The following AMPH variants were observed in gnomAD, a reference collection of about 807,000 sequenced individuals.
AMPH encodes amphiphysin.
AMPH carries 49 observed loss-of-function variants against 99.1 expected under a neutral mutation model. That is an observed-to-expected ratio of 0.49 (90% CI 0.39 to 0.63). AMPH has a LOEUF of 0.63. Ranked by LOEUF, AMPH falls within the 20% of genes least tolerant of loss-of-function variation. The pLI, the probability that AMPH is intolerant of heterozygous loss-of-function variation, is 0.00. For missense variants in AMPH, 759 were observed against 863.4 expected (o/e 0.88, Z 1.52); for synonymous variants, 314 against 317.3 (o/e 0.99, Z 0.11).
Position 38,428,996 on chromosome 7 carries a change from T to G in AMPH, c.1182+846A>C, listed in dbSNP as rs754585501. 3.1e-6 allele frequency: 4 copies of G among 1,289,584 alleles called. No individual in the cohort carries two copies. In the South Asian group the frequency reaches 3.7e-5, roughly 12 times the overall value. 79.9% of individuals were successfully genotyped at this position (1,289,584 alleles called of 1,614,324 possible). A position where few individuals can be genotyped will look rare whatever the true frequency, so the allele number is the denominator to read the frequency against. On this transcript the variant is annotated intron_variant, in intron 14 of 20. Transcript: ENST00000356264. ...CTCTGTTTCCTGTCCTTTCACATGC[T>G]TTCTCTTCAAATTCCTCTGTACCTT... is the stretch of plus-strand genomic sequence containing the variant.
chr7:38,473,566 C>T lies in AMPH; in HGVS notation c.590+1765G>A, dbSNP rs1208967364. Among the ~76,000 whole-genome samples, 27 of 105,754 alleles carry T rather than the reference C, an allele frequency of 2.6e-4. 4 individuals are homozygous for T. The highest frequency in any genetic ancestry group is 8.1e-4 in the South Asian group (2 of 2,472). The allele number at this position is 105,754 out of a possible 152,430, so 69.4% of individuals were successfully genotyped here. A position where few individuals can be genotyped will look rare whatever the true frequency, so the allele number is the denominator to read the frequency against. On this transcript the variant is annotated intron_variant, in intron 7 of 20. Coordinates refer to ENST00000356264, the MANE Select transcript of AMPH (RefSeq NM_001635.4). ...AAAAATACAAAAAATTAGCCGGGCG[C>T]GGTGGCGGGCGCCTGTAGTCCCAGC...
intron 11 of AMPH, among the ~76,000 whole-genome samples, chr7:38,449,427 A>C (rs1032857896): frequency 9.2e-5 from 14 of 152,244 alleles, no homozygotes; most frequent in African/African-American, 3.4e-4. Context: ...GATTGATGTC[A>C]AGGTTAAACT....
chr7:38,500,421 T>C (rs1201774570), intron 3 of AMPH, among the ~76,000 whole-genome samples: 1 of 152,208 alleles, frequency 6.6e-6, no homozygotes, highest in Non-Finnish European at 1.5e-5. Flanking sequence ...CTGTGGCCAC[T>C]AGCCCTGGAG....
At chr7:38,496,471 C>T (rs1788936391) in intron 3 of AMPH, among the ~76,000 whole-genome samples, 1 of 152,064 alleles carries the variant, frequency 6.6e-6, no homozygotes, top group Non-Finnish European at 1.5e-5. Flanking sequence ...CGGACGAAGC[C>T]CTTGCAGAGT....
At chr7:38,412,125 T>A (rs1057511928) in intron 17 of AMPH, among the ~76,000 whole-genome samples, 10 of 152,154 alleles carry the variant, frequency 6.6e-5, no homozygotes, top group Non-Finnish European at 1.3e-4. Context: ...GGCTGTGATT[T>A]GAGGTGATGA....
chr7:38,555,487 G>C (rs1275872435), intron 1 of AMPH, among the ~76,000 whole-genome samples: 1 of 152,168 alleles, frequency 6.6e-6, no homozygotes, highest in Non-Finnish European at 1.5e-5. Flanking sequence ...GATGGTACCT[G>C]CAAGGGCTGG....
intron 2 of AMPH, among the ~76,000 whole-genome samples, chr7:38,521,108 T>TA (rs1427938113): frequency 1.3e-5 from 2 of 152,100 alleles, no homozygotes; most frequent in African/African-American, 4.8e-5. Flanking sequence ...ATAATTTGTG[T>TA]CCTATAGAGT....
chr7:38,505,020 G>A (rs1447736935), intron 2 of AMPH, among the ~76,000 whole-genome samples: 1 of 151,988 alleles, frequency 6.6e-6, no homozygotes, highest in Admixed American at 6.6e-5. Context: ...GAGTGGTGGT[G>A]GGGGGACCCT....
At chr7:38,428,070 A>G (rs2128991518) in intron 14 of AMPH, 2 of 456,750 alleles carry the variant, frequency 4.4e-6, no homozygotes, top group Non-Finnish European at 4.4e-6. Context: ...GTCCACCTTC[A>G]GTTCTTCCTT....
intron 1 of AMPH, 21 bp downstream of exon 1, chr7:38,631,262 C>G: frequency 6.6e-7 from 1 of 1,513,326 alleles, no homozygotes; most frequent in Non-Finnish European, 8.8e-7. Flanking sequence ...CCGGCCCCAG[C>G]CCCGGCCGCC....
At chr7:38,445,457 C>T (rs1786739159) in intron 11 of AMPH, among the ~76,000 whole-genome samples, 1 of 152,074 alleles carries the variant, frequency 6.6e-6, no homozygotes, top group South Asian at 2.1e-4. Context: ...CTCCAAATTA[C>T]ACTGCCAAGA....
chr7:38,414,853 G>A (rs898665241), intron 17 of AMPH, among the ~76,000 whole-genome samples: 1 of 151,978 alleles, frequency 6.6e-6, no homozygotes, highest in African/African-American at 2.4e-5. Flanking sequence ...TTGTAGAGAT[G>A]GGGTTTCATC....
chr7:38,525,512 G>C (rs972848522), intron 2 of AMPH, among the ~76,000 whole-genome samples: 2 of 148,280 alleles, frequency 1.3e-5, no homozygotes, highest in Admixed American at 6.8e-5. Context: ...CACATGTGTA[G>C]GTTCATGTAT....
chr7:38,475,673 G>T (rs1349838826), intron 6 of AMPH, among the ~76,000 whole-genome samples: 4 of 152,182 alleles, frequency 2.6e-5, no homozygotes, highest in African/African-American at 9.7e-5. Flanking sequence ...AAATGTGTTA[G>T]CTGCCTGCCA....
At chr7:38,450,669 T>C (rs1204480681) in intron 11 of AMPH, among the ~76,000 whole-genome samples, 1 of 152,106 alleles carries the variant, frequency 6.6e-6, no homozygotes, top group African/African-American at 2.4e-5. Context: ...GGTAAGATGG[T>C]GAGACTGTTC....
At chr7:38,468,302 T>C (rs146019420) in intron 7 of AMPH, among the ~76,000 whole-genome samples, 1 of 152,354 alleles carries the variant, frequency 6.6e-6, no homozygotes, top group African/African-American at 2.4e-5. Context: ...ATTCCTTCTT[T>C]TGTGAATCAC....
intron 11 of AMPH, among the ~76,000 whole-genome samples, chr7:38,438,471 C>A (rs1247608072): frequency 6.6e-6 from 1 of 152,160 alleles, no homozygotes; most frequent in African/African-American, 2.4e-5. Flanking sequence ...ATGCCCCAGA[C>A]CCAAGTTTCT....
chr7:38,607,939 G>A (rs1301651726), intron 1 of AMPH, among the ~76,000 whole-genome samples: 1 of 152,144 alleles, frequency 6.6e-6, no homozygotes, highest in African/African-American at 2.4e-5. Flanking sequence ...ATAAGTCAGT[G>A]ATTTTCTTTT....
intron 1 of AMPH, among the ~76,000 whole-genome samples, chr7:38,587,016 C>CAT (rs1446471264): frequency 6.6e-4 from 50 of 76,030 alleles, no homozygotes; most frequent in African/African-American, 2.5e-3. Context: ...TGTAAATACA[C>CAT]ACACACACAC....
Sources: gnomAD v4.1 joint callset for allele counts (sites outside exome capture counted in the v4.1 genomes callset) on GRCh38, gnomAD v4.1.1 for gene constraint, MANE v1.5 for transcripts, NCBI Gene and HGNC (gene_info 2026-07-23, HGNC 2026-07-21) for gene names.